The following CFAP61 variants were observed in gnomAD, a reference collection of about 807,000 sequenced individuals.
The protein encoded by CFAP61 is cilia and flagella associated protein 61, also known as cilia- and flagella-associated protein 61.
Under a neutral mutation model 135.6 loss-of-function variants are expected in CFAP61, and 107 were observed. The ratio of observed to expected loss-of-function variants is 0.79; its 90% confidence interval spans 0.67 to 0.93. The LOEUF (loss-of-function observed/expected upper bound fraction) is 0.93. Ranked by LOEUF, CFAP61 falls within the 40% of genes least tolerant of loss-of-function variation. CFAP61 has a pLI of 0.00. For missense variants in CFAP61, 1,507 were observed against 1,556.2 expected (o/e 0.97, Z 0.53); for synonymous variants, 575 against 578.5 (o/e 0.99, Z 0.09).
Position 20,057,586 on chromosome 20 carries a change from T to G in CFAP61, c.143+790T>G, listed in dbSNP as rs554590291. 1.6e-4 allele frequency among the ~76,000 whole-genome samples: 24 copies of G among 152,366 alleles called. No homozygotes were observed. In the East Asian group the frequency reaches 2.9e-3, roughly 18 times the overall value. On this transcript the variant is annotated intron_variant, in intron 2 of 26. Transcript: ENST00000245957. ...TTGTTCACAGCCGCTGCTGTTAAAG[T>G]GTTCTTCTGAACTTTAAAGTATGCA... is the stretch of plus-strand genomic sequence containing the variant.
At chr20:20,233,412 C>T (rs2049316137) in intron 18 of CFAP61, among the ~76,000 whole-genome samples, 1 of 152,208 alleles carries the variant, frequency 6.6e-6, no homozygotes. Context: ...GCAAAAACGG[C>T]ATGGGAGCGA....
intron 8 of CFAP61, among the ~76,000 whole-genome samples, chr20:20,106,644 C>T (rs1473956700): frequency 6.6e-6 from 1 of 152,156 alleles, no homozygotes; most frequent in Admixed American, 6.5e-5. Flanking sequence ...TAGGGGATGT[C>T]TCTTTTGCCC....
intron 17 of CFAP61, among the ~76,000 whole-genome samples, chr20:20,212,031 A>G (rs748250351): frequency 2.0e-5 from 3 of 152,194 alleles, no homozygotes; most frequent in Non-Finnish European, 4.4e-5. Flanking sequence ...TGGGCTGACA[A>G]TGTCCCATAG....
In CFAP61 at chr20:20,359,283, G is replaced by A. The variant is rs1025977570; in HGVS notation, c.3514-927G>A. 2.6e-5 allele frequency among the ~76,000 whole-genome samples: 4 copies of A among 152,044 alleles called. No homozygotes were observed. The highest frequency in any genetic ancestry group is 2.1e-4 in the South Asian group (1 of 4,816). On this transcript the variant is annotated intron_variant, in intron 26 of 26. Transcript: ENST00000245957. The surrounding 1 kb of genome is among the most constrained non-coding windows in gnomAD (Gnocchi z 4.0). Reference sequence around the variant, plus strand: ...TAAGGTTTTAAAATCCCACTTCTTGGGAATTATAAGCAAGAAAACTTTTCA... The same window carrying A: ...TAAGGTTTTAAAATCCCACTTCTTGAGAATTATAAGCAAGAAAACTTTTCA...
At chr20:20,241,766 C>T (rs147102671) in intron 18 of CFAP61, among the ~76,000 whole-genome samples, 1 of 152,186 alleles carries the variant, frequency 6.6e-6, no homozygotes, top group East Asian at 1.9e-4. Flanking sequence ...TAAATTTTAA[C>T]TGCTTGTGAG....
At chr20:20,224,212 G>A (rs1352987947) in intron 17 of CFAP61, among the ~76,000 whole-genome samples, 10 of 152,252 alleles carry the variant, frequency 6.6e-5, no homozygotes, top group South Asian at 4.1e-4. Context: ...CTACTCACAT[G>A]TACAGTCTTA....
At chr20:20,320,328 A>G (rs2057379953) in intron 25 of CFAP61, among the ~76,000 whole-genome samples, 1 of 89,284 alleles carries the variant, frequency 1.1e-5, no homozygotes, top group Non-Finnish European at 2.2e-5. Context: ...ATATAGATAT[A>G]TATATATTAT....
intron 8 of CFAP61, among the ~76,000 whole-genome samples, chr20:20,131,447 T>C (rs1165619361): frequency 6.6e-6 from 1 of 152,190 alleles, no homozygotes; most frequent in Non-Finnish European, 1.5e-5. Context: ...ATTTTTCTCT[T>C]ATTCAACTTT....
chr20:20,231,559 G>T (rs555204312), intron 18 of CFAP61, among the ~76,000 whole-genome samples: 12 of 152,268 alleles, frequency 7.9e-5, no homozygotes, highest in Non-Finnish European at 1.8e-4. Context: ...CAGGGGCGTA[G>T]CGTCATCCAG....
chr20:20,358,030 A>C (rs528686625), intron 26 of CFAP61, among the ~76,000 whole-genome samples: 1,618 of 143,962 alleles, frequency 0.011, 31 homozygotes, highest in African/African-American at 0.041. Context: ...GGAGGTGGTC[A>C]CACTGAGGAG....
At chr20:20,101,362 A>ATGTTATCC (rs1273132581) in intron 8 of CFAP61, among the ~76,000 whole-genome samples, 2 of 152,116 alleles carry the variant, frequency 1.3e-5, no homozygotes, top group Admixed American at 1.3e-4. Flanking sequence ...ATGTAATCTC[A>ATGTTATCC]TGTTATCCTA....
intron 15 of CFAP61, among the ~76,000 whole-genome samples, chr20:20,195,639 T>C (rs995711776): frequency 6.6e-6 from 1 of 152,124 alleles, no homozygotes. Context: ...TTCCTTTACA[T>C]GGGAAGACAC....
At chr20:20,180,215 G>A (rs969415350) in intron 13 of CFAP61, among the ~76,000 whole-genome samples, 1 of 152,056 alleles carries the variant, frequency 6.6e-6, no homozygotes, top group African/African-American at 2.4e-5. Flanking sequence ...TGTAGTCCCA[G>A]CTACTGAGGA....
chr20:20,293,572 A>G (rs2055166956), intron 24 of CFAP61, among the ~76,000 whole-genome samples: 1 of 152,242 alleles, frequency 6.6e-6, no homozygotes, highest in Non-Finnish European at 1.5e-5. Flanking sequence ...CCATTGAACA[A>G]TATTTCGCCA....
chr20:20,248,260 T>C (rs12480722), intron 19 of CFAP61, among the ~76,000 whole-genome samples: 12,676 of 152,272 alleles, frequency 0.083, 698 homozygotes, highest in South Asian at 0.13. Flanking sequence ...AGAAACCACA[T>C]ATTTCAGTAA....
intron 10 of CFAP61, among the ~76,000 whole-genome samples, chr20:20,160,861 G>A (rs1465803162): frequency 1.3e-5 from 2 of 152,186 alleles, no homozygotes; most frequent in East Asian, 3.8e-4. Context: ...AGTGACTGAA[G>A]GGATTGGAGA....
chr20:20,099,294 A>G (rs2047831393), intron 8 of CFAP61, among the ~76,000 whole-genome samples: 2 of 152,200 alleles, frequency 1.3e-5, no homozygotes, highest in Non-Finnish European at 2.9e-5. Context: ...GCAAGTAGTC[A>G]TTTTTAACTT....
At chr20:20,316,079 G>A (rs1466394416) in intron 25 of CFAP61, among the ~76,000 whole-genome samples, 16 of 152,048 alleles carry the variant, frequency 1.1e-4, no homozygotes, top group African/African-American at 3.9e-4. Flanking sequence ...TGTGAAGAAA[G>A]TCATTGGTAG....
chr20:20,115,590 C>T lies in CFAP61; in HGVS notation c.859+16776C>T, dbSNP rs185964316. On this transcript the variant is annotated intron_variant, in intron 8 of 26. Transcript: ENST00000245957. ...ACAAATTTTCCTCTCCTCCCCACCC[C>T]ACTCCACTGTTCTTCCTGGTCTCTG... is the stretch of plus-strand genomic sequence containing the variant. Among the ~76,000 whole-genome samples the T allele has an allele frequency of 7.7e-3, 1,166 of 152,234 alleles. 6 individuals carry two copies. The highest frequency in any genetic ancestry group is 0.013 in the Non-Finnish European group (867 of 68,004).
Sources: gnomAD v4.1 joint callset for allele counts (sites outside exome capture counted in the v4.1 genomes callset) on GRCh38, gnomAD v4.1.1 for gene constraint, Gnocchi (gnomAD v3.1) non-coding constraint, MANE v1.5 for transcripts, NCBI Gene and HGNC (gene_info 2026-07-23, HGNC 2026-07-21) for gene names.